The following TEX2 variants were observed in gnomAD, a reference collection of about 807,000 sequenced individuals.
TEX2 encodes testis expressed 2.
TEX2 carries 53 observed loss-of-function variants against 106.9 expected under a neutral mutation model. The ratio of observed to expected loss-of-function variants is 0.50; its 90% confidence interval spans 0.40 to 0.62. The LOEUF is 0.62. Ranked by LOEUF, TEX2 falls within the 20% of genes least tolerant of loss-of-function variation. TEX2 has a pLI of 0.00. For missense variants in TEX2, 1,207 were observed against 1,379.0 expected (o/e 0.88, Z 1.98); for synonymous variants, 523 against 534.8 (o/e 0.98, Z 0.30).
At chr17:64,161,125 C>T (rs940102367) in intron 7 of TEX2, among the ~76,000 whole-genome samples, 192 bp from the exon 8 acceptor site, 14 of 152,144 alleles carry the variant, frequency 9.2e-5, no homozygotes, top group Non-Finnish European at 1.5e-4. Flanking sequence ...TGGAATACAT[C>T]GAGCCCCTGG....
At chr17:64,199,998 T>C (rs1340691364) in intron 2 of TEX2, among the ~76,000 whole-genome samples, 1 of 152,238 alleles carries the variant, frequency 6.6e-6, no homozygotes, top group Non-Finnish European at 1.5e-5. Flanking sequence ...TTTGCATAAT[T>C]AAATGAGAGA....
chr17:64,178,383 T>C (rs1031827802), intron 5 of TEX2, among the ~76,000 whole-genome samples: 7 of 152,208 alleles, frequency 4.6e-5, no homozygotes, highest in African/African-American at 1.7e-4. Context: ...CTCAGTAATG[T>C]AGCAGCTGTC....
Position 64,213,109 on chromosome 17 carries a change from G to A in TEX2, c.1109C>T (p.Pro370Leu). The A allele has an allele frequency of 6.2e-7, 1 of 1,614,148 alleles. No homozygotes were observed. The highest frequency in any genetic ancestry group is 8.5e-7 in the Non-Finnish European group (1 of 1,180,030). The change falls in exon 2 of 12, where the codon CCA becomes CTA. Residue 370 changes from proline to leucine, a missense_variant. Coordinates refer to ENST00000584379, the MANE Select transcript of TEX2 (RefSeq NM_001288732.2). The surrounding 1 kb of genome is among the most constrained non-coding windows in gnomAD (Gnocchi z 4.4). ...TCTTGTGGGCTCACCAGTGGACTTTGGGTGGTCACTTCTGGGGATGTTGGA... is the reference window on the plus strand; with the variant it reads ...TCTTGTGGGCTCACCAGTGGACTTTAGGTGGTCACTTCTGGGGATGTTGGA... ...SDSNIPRSDH[P>L]KSTGEPTREI...
chr17:64,248,222 AAAG>A (rs1464949740), intron 1 of TEX2, among the ~76,000 whole-genome samples: 2 of 152,226 alleles, frequency 1.3e-5, no homozygotes, highest in Admixed American at 1.3e-4. Flanking sequence ...AGAAATAATC[AAAG>A]AACAAGAGAG....
At chr17:64,187,225 G>A (rs1723537873) in intron 5 of TEX2, among the ~76,000 whole-genome samples, 1 of 152,176 alleles carries the variant, frequency 6.6e-6, no homozygotes, top group Admixed American at 6.5e-5. Flanking sequence ...GTTACACTTT[G>A]TAAAGAATGT....
At position 64,194,003 on chromosome 17, in the gene TEX2, T is replaced by C. The variant is rs1309548806; in HGVS notation, c.1846-114A>G. On this transcript the variant is annotated intron_variant, in intron 3 of 11. Transcript: ENST00000584379. ...TAGACTTTTTGACTAAAATGATGAA[T>C]ATGAAATAACTTTCAACACTTGTTC... 6.1e-5 allele frequency: 39 copies of C among 634,754 alleles called. No individual in the cohort carries two copies. In the Admixed American group the frequency reaches 1.6e-3, roughly 26 times the overall value. 39.3% of individuals were successfully genotyped at this position (634,754 alleles called of 1,614,324 possible).
intron 1 of TEX2, among the ~76,000 whole-genome samples, chr17:64,251,338 G>A (rs1328510230): frequency 2.0e-5 from 3 of 152,120 alleles, no homozygotes; most frequent in South Asian, 2.1e-4. Context: ...CTCATTATCC[G>A]ATTCTGTGAT....
rs200066245 is a variant in TEX2, at chr17:64,183,791, TATTA to T, written c.2424+4373_2424+4376del. 8.9e-3 allele frequency among the ~76,000 whole-genome samples: 1,356 copies of T among 152,188 alleles called. 10 individuals are homozygous for T. Among genetic ancestry groups the T allele is most frequent in the Middle Eastern group, 0.017 (5 of 294 alleles). On this transcript the variant is annotated intron_variant, in intron 5 of 11. Transcript: ENST00000584379. The stretch of plus-strand genomic sequence containing the variant: ...TATCATCTATCTTTTTAAAAATTTT[TATTA>T]TTTATTTATTTATTTGGTAGAGATG...
At chr17:64,177,117 A>C (rs1295134950) in intron 6 of TEX2, among the ~76,000 whole-genome samples, 2 of 152,264 alleles carry the variant, frequency 1.3e-5, no homozygotes, top group African/African-American at 4.8e-5. Flanking sequence ...CAAGAAAATG[A>C]GTAAACATTA....
intron 5 of TEX2, among the ~76,000 whole-genome samples, chr17:64,186,674 G>T (rs889087807): frequency 6.6e-6 from 1 of 152,086 alleles, no homozygotes; most frequent in African/African-American, 2.4e-5. Flanking sequence ...AAAATTAGCT[G>T]GGCATGGTGG....
chr17:64,195,154 G>T lies in TEX2; in HGVS notation c.1645-59C>A. 2 of 1,495,766 alleles carry T rather than the reference G, an allele frequency of 1.3e-6. No homozygotes were observed. The highest frequency in any genetic ancestry group is 1.9e-6 in the Non-Finnish European group (2 of 1,079,386). The allele number at this position is 1,495,766 out of a possible 1,614,324, so 92.7% of individuals were successfully genotyped here. The stretch of plus-strand genomic sequence containing the variant: ...AATAATCGCAAATCTGATTTAGTGT[G>T]AAATGATGAACACTGTGGTATTTGG... On this transcript the variant is annotated intron_variant, in intron 2 of 11. Transcript: ENST00000584379. This position sits in a 1 kb window ranked among gnomAD's most constrained non-coding sequence, Gnocchi z 4.1.
chr17:64,207,495 A>C (rs1210582702), intron 2 of TEX2, among the ~76,000 whole-genome samples: 1 of 152,190 alleles, frequency 6.6e-6, no homozygotes, highest in East Asian at 1.9e-4. Flanking sequence ...GTAAATACCA[A>C]CTAAATTGGA....
chr17:64,158,784 G>A (rs1263091722), intron 8 of TEX2, among the ~76,000 whole-genome samples: 1 of 151,948 alleles, frequency 6.6e-6, no homozygotes, highest in Non-Finnish European at 1.5e-5. Flanking sequence ...GGTCCTTTCT[G>A]AAAAAAGGGG....
chr17:64,247,206 T>C (rs2034005020), intron 1 of TEX2, among the ~76,000 whole-genome samples: 2 of 150,354 alleles, frequency 1.3e-5, no homozygotes, highest in African/African-American at 4.9e-5. Context: ...GAGGTGGAGG[T>C]TGCAGTGAGC....
At chr17:64,202,782 T>G (rs1355750951) in intron 2 of TEX2, among the ~76,000 whole-genome samples, 1 of 152,224 alleles carries the variant, frequency 6.6e-6, no homozygotes, top group Non-Finnish European at 1.5e-5. Context: ...AACTCTGAGA[T>G]GCTCTCAACC....
At chr17:64,262,440 C>G (rs1005613303) in intron 1 of TEX2, among the ~76,000 whole-genome samples, 22 of 152,368 alleles carry the variant, frequency 1.4e-4, no homozygotes, top group African/African-American at 5.3e-4. Flanking sequence ...ACTCCCATGG[C>G]AGCCGTACGC....
Position 64,152,466 on chromosome 17 carries a change from G to C in TEX2, c.3140+479C>G, listed in dbSNP as rs77356049. On this transcript the variant is annotated intron_variant, in intron 10 of 11. Coordinates refer to ENST00000584379, the MANE Select transcript of TEX2 (RefSeq NM_001288732.2). ...CTCCTCAGCATTGAGGCCTAACTCA[G>C]GGAAGTCTCCCTAACTTCCCAGACT... is the stretch of plus-strand genomic sequence containing the variant. 3.5e-3 allele frequency among the ~76,000 whole-genome samples: 540 copies of C among 152,238 alleles called. 5 individuals are homozygous for C. Among genetic ancestry groups the C allele is most frequent in the African/African-American group, 0.012 (514 of 41,538 alleles).
intron 1 of TEX2, among the ~76,000 whole-genome samples, chr17:64,246,408 G>GTGGT (rs2033989152): frequency 6.6e-6 from 1 of 152,040 alleles, no homozygotes; most frequent in Admixed American, 6.6e-5. Context: ...ACCACAGCTG[G>GTGGT]CTAATTTTTG....
chr17:64,244,712 C>T (rs1555636123), intron 1 of TEX2, among the ~76,000 whole-genome samples: 1 of 152,174 alleles, frequency 6.6e-6, no homozygotes, highest in African/African-American at 2.4e-5. Flanking sequence ...TTTCAACATC[C>T]TGTAAGAATA....
Sources: allele counts gnomAD v4.1 joint callset (sites outside exome capture counted in the v4.1 genomes callset), GRCh38; gene constraint gnomAD v4.1.1; non-coding constraint Gnocchi (gnomAD v3.1); transcripts MANE v1.5; gene names NCBI Gene and HGNC (gene_info 2026-07-23, HGNC 2026-07-21).